The following ADAM10 variants were observed in gnomAD, a reference collection of about 807,000 sequenced individuals.
ADAM10 encodes disintegrin and metalloproteinase domain-containing protein 10.
In ADAM10, 17 loss-of-function variants were observed where a neutral mutation model predicts 90.1. That is an observed-to-expected ratio of 0.19 (90% CI 0.13 to 0.28). ADAM10 has a LOEUF of 0.28. ADAM10 is among the 10% of genes least tolerant of loss of function. The pLI, the probability that ADAM10 is intolerant of heterozygous loss-of-function variation, is 1.00. For synonymous variants in ADAM10, 310 were observed against 298.6 expected (o/e 1.04, Z -0.40); for missense variants, 610 against 914.3 (o/e 0.67, Z 4.29).
chr15:58,605,517 C>A (rs535650714), intron 14 of ADAM10, among the ~76,000 whole-genome samples: 70 of 152,104 alleles, frequency 4.6e-4, no homozygotes, highest in Middle Eastern at 3.4e-3. Context: ...ACTATAAAAT[C>A]AGGGAAAGGA....
chr15:58,729,968 C>A (rs10571013), intron 1 of ADAM10, among the ~76,000 whole-genome samples: 13,408 of 130,362 alleles, frequency 0.1, 939 homozygotes, highest in East Asian at 0.28. Context: ...TAAAAAAAAA[C>A]AAAAACAAAA....
chr15:58,659,287 A>T (rs1476093878), intron 5 of ADAM10, among the ~76,000 whole-genome samples: 1 of 152,084 alleles, frequency 6.6e-6, no homozygotes, highest in Non-Finnish European at 1.5e-5. Context: ...AAGAAAAAAA[A>T]AAAGCTTTTA....
chr15:58,726,558 TCA>T (rs1219227347), intron 1 of ADAM10, among the ~76,000 whole-genome samples: 4 of 68,716 alleles, frequency 5.8e-5, no homozygotes, highest in Non-Finnish European at 9.6e-5. Context: ...GAGCGAGACC[TCA>T]GTCTCCCAAA....
At chr15:58,737,439 C>T (rs897986018) in intron 1 of ADAM10, among the ~76,000 whole-genome samples, 4 of 152,084 alleles carry the variant, frequency 2.6e-5, no homozygotes, top group Non-Finnish European at 4.4e-5. Context: ...ACCTAAATTA[C>T]GCTTTAAGGG....
chr15:58,621,526 C>T lies in ADAM10; in HGVS notation c.1456G>A (p.Asp486Asn), dbSNP rs778047366. Residue 486 changes from aspartate to asparagine, a missense_variant, in exon 11 of 16, where the codon GAT (aspartate) becomes AAT (asparagine). Asp to Asn is a conservative substitution (Grantham distance 23, BLOSUM62 1). This residue lies in a region of ADAM10 where 53 missense variants were observed against 62.0 expected (regional missense o/e 0.85). Coordinates refer to ENST00000260408, the MANE Select transcript of ADAM10 (RefSeq NM_001110.4). Reference protein sequence around the residue: ...SDQCKDECCFDANQPEGRKCK... With the variant: ...SDQCKDECCFNANQPEGRKCK... ...TTTCTTCCCTCTGGTTGATTTGCAT[C>T]GAAGCAGCATTCATCTTTACACTGG... The T allele has an allele frequency of 6.8e-6, 11 of 1,614,070 alleles. No homozygotes were observed. Among genetic ancestry groups the T allele is most frequent in the South Asian group, 5.5e-5 (5 of 91,080 alleles).
intron 5 of ADAM10, among the ~76,000 whole-genome samples, chr15:58,653,746 CCCT>C (rs1439391217): frequency 6.6e-6 from 1 of 151,948 alleles, no homozygotes; most frequent in African/African-American, 2.4e-5. Context: ...TTGAAGTTTT[CCCT>C]CCTCCTCTAT....
intron 4 of ADAM10, among the ~76,000 whole-genome samples, chr15:58,668,958 C>G (rs1237217102): frequency 6.6e-6 from 1 of 152,102 alleles, no homozygotes; most frequent in Non-Finnish European, 1.5e-5. Flanking sequence ...GTTTCTACGG[C>G]AAAGTGTGTT....
intron 2 of ADAM10, among the ~76,000 whole-genome samples, chr15:58,711,753 C>T (rs1350662300): frequency 6.6e-6 from 1 of 152,084 alleles, no homozygotes; most frequent in Non-Finnish European, 1.5e-5. Context: ...TACATACAAC[C>T]ACAAAAATAA....
intron 2 of ADAM10, among the ~76,000 whole-genome samples, chr15:58,706,462 CCATT>C (rs1898292543): frequency 6.6e-6 from 1 of 152,126 alleles, no homozygotes; most frequent in South Asian, 2.1e-4. Flanking sequence ...GAGAGAGTCT[CCATT>C]CAAATTATTT....
chr15:58,606,464 A>T (rs16940587), intron 14 of ADAM10, among the ~76,000 whole-genome samples: 30,589 of 152,148 alleles, frequency 0.2, 3,503 homozygotes, highest in East Asian at 0.4. Flanking sequence ...AAATTATTAC[A>T]TTTGAGAAAT....
chr15:58,646,810 A>G (rs1210614657), intron 5 of ADAM10, among the ~76,000 whole-genome samples: 1 of 152,198 alleles, frequency 6.6e-6, no homozygotes, highest in Non-Finnish European at 1.5e-5. Flanking sequence ...TCCCCTAAAT[A>G]TCAACATTAC....
intron 5 of ADAM10, among the ~76,000 whole-genome samples, chr15:58,650,820 T>C (rs531259563): frequency 2.0e-5 from 3 of 152,346 alleles, no homozygotes; most frequent in Admixed American, 6.5e-5. Context: ...GGTTGCTATA[T>C]ATTAGTTGTA....
At chr15:58,621,392 A>C (rs1595999207) in intron 11 of ADAM10, 79 bp downstream of exon 11, 1 of 1,560,668 alleles carries the variant, frequency 6.4e-7, no homozygotes, top group East Asian at 2.2e-5. Flanking sequence ...TGCATCTCTT[A>C]ATCTCAGTTT....
intron 12 of ADAM10, chr15:58,611,337 T>G: frequency 2.0e-6 from 1 of 504,536 alleles, no homozygotes; most frequent in Non-Finnish European, 3.5e-6. Flanking sequence ...AATGGCAACT[T>G]AAAAAAATGA....
intron 1 of ADAM10, among the ~76,000 whole-genome samples, chr15:58,718,254 A>G (rs183813920): frequency 7.2e-5 from 11 of 152,278 alleles, no homozygotes; most frequent in African/African-American, 1.9e-4. Context: ...TAAGATGATC[A>G]TATTTTTTCT....
chr15:58,647,741 G>A (rs563454967), intron 5 of ADAM10, among the ~76,000 whole-genome samples: 226 of 152,140 alleles, frequency 1.5e-3, no homozygotes, highest in African/African-American at 5.0e-3. Context: ...TTGTAGAGAC[G>A]GAGGTCTTCC....
At chr15:58,674,040 CTTTTT>C (rs113283500) in intron 4 of ADAM10, among the ~76,000 whole-genome samples, 1 of 151,962 alleles carries the variant, frequency 6.6e-6, no homozygotes, top group African/African-American at 2.4e-5. Flanking sequence ...GCCACTGCCT[CTTTTT>C]TTGTGATTTT....
intron 1 of ADAM10, among the ~76,000 whole-genome samples, chr15:58,723,816 G>T (rs1197529171): frequency 1.3e-5 from 2 of 151,700 alleles, no homozygotes; most frequent in Non-Finnish European, 2.9e-5. Context: ...AAACACACTG[G>T]AGAAAAAAAC....
chr15:58,641,554 C>T (rs1896416926), intron 7 of ADAM10, among the ~76,000 whole-genome samples: 1 of 152,130 alleles, frequency 6.6e-6, no homozygotes, highest in African/African-American at 2.4e-5. Context: ...TTTAAACTCA[C>T]TTCTTTTACT....
Sources: gnomAD v4.1 joint callset for allele counts (sites outside exome capture counted in the v4.1 genomes callset) on GRCh38, gnomAD v4.1.1 for gene constraint, gnomAD v4.1.1 regional missense constraint, MANE v1.5 for transcripts, NCBI Gene and HGNC (gene_info 2026-07-23, HGNC 2026-07-21) for gene names.